INTS13: variants seen among roughly 807,000 people sequenced by gnomAD.
The protein encoded by INTS13 is integrator complex subunit 13, also known as asunder, spermatogenesis regulator homolog (Drosphila).
In INTS13, 35 loss-of-function variants were observed where a neutral mutation model predicts 90.2. The ratio of observed to expected loss-of-function variants is 0.39; its 90% CI spans 0.30 to 0.51. The LOEUF (loss-of-function observed/expected upper bound fraction) is 0.51. INTS13 is among the 20% of genes least tolerant of loss of function. The pLI, the probability that INTS13 is intolerant of heterozygous loss-of-function variation, is 0.80. For synonymous variants in INTS13, 309 were observed against 277.1 expected (o/e 1.11, Z -1.14); for missense variants, 601 against 851.2 (o/e 0.71, Z 3.66).
intron 10 of INTS13, 21 bp from the exon 11 acceptor site, chr12:26,916,201 C>T (rs1275798415): frequency 6.3e-7 from 1 of 1,579,042 alleles, no homozygotes; most frequent in Non-Finnish European, 8.6e-7. Context: ...CAAGATTACA[C>T]TATCAGTAAT....
intron 10 of INTS13, 111 bp downstream of exon 10, chr12:26,917,241 T>C (rs1951964386): frequency 3.4e-6 from 1 of 297,918 alleles, no homozygotes; most frequent in Non-Finnish European, 5.9e-6. Context: ...TGAATATAGC[T>C]TTCCAGAGTT....
rs1005492556 is a variant in INTS13 at position 26,928,138 on chromosome 12, T to C, written c.584+67A>G. ...CAGGGAAACGCTACCAGTCAAGTTA[T>C]TGGAAATAATTATAACATATATCTA... is the stretch of plus-strand genomic sequence containing the variant. On this transcript the variant is annotated intron_variant, in intron 5 of 16. Coordinates refer to ENST00000261191, the MANE Select transcript of INTS13 (RefSeq NM_018164.3). 8.6e-6 allele frequency: 10 copies of C among 1,160,410 alleles called. No homozygotes were observed. The East Asian group carries it at 9.9e-5, about 11-fold the overall frequency. The allele number at this position is 1,160,410 out of a possible 1,614,324, so 71.9% of individuals were successfully genotyped here.
intron 8 of INTS13, among the ~76,000 whole-genome samples, chr12:26,921,228 A>G (rs1268405290): frequency 6.6e-6 from 1 of 152,264 alleles, no homozygotes; most frequent in Admixed American, 6.5e-5. Context: ...AAGCCAATAC[A>G]GTTGCAGAAA....
chr12:26,914,309 T>G, intron 12 of INTS13, 99 bp downstream of exon 12: 1 of 1,312,042 alleles, frequency 7.6e-7, no homozygotes, highest in Non-Finnish European at 1.0e-6. Flanking sequence ...TATTTCATTC[T>G]TTGCTTAAGA....
chr12:26,911,488 G>T (rs1440702070), intron 14 of INTS13, among the ~76,000 whole-genome samples, 171 bp from the exon 15 acceptor site: 1 of 151,796 alleles, frequency 6.6e-6, no homozygotes, highest in Non-Finnish European at 1.5e-5. Flanking sequence ...AGAAATTAAT[G>T]AATTAAATAC....
chr12:26,918,699 T>C (rs1333859357), intron 8 of INTS13, among the ~76,000 whole-genome samples: 1 of 152,210 alleles, frequency 6.6e-6, no homozygotes, highest in Non-Finnish European at 1.5e-5. Flanking sequence ...CGTAAGAAGA[T>C]ATTAATCTAA....
intron 14 of INTS13, among the ~76,000 whole-genome samples, chr12:26,912,662 T>C (rs1274381353): frequency 1.3e-5 from 2 of 152,122 alleles, no homozygotes; most frequent in Non-Finnish European, 2.9e-5. Flanking sequence ...TGTATGCCCT[T>C]CTTCTGTGCT....
At chr12:26,917,237 T>C (rs1951964144) in intron 10 of INTS13, 115 bp downstream of exon 10, 1 of 292,124 alleles carries the variant, frequency 3.4e-6, no homozygotes, top group Non-Finnish European at 6.0e-6. Context: ...GTGATGAATA[T>C]AGCTTTCCAG....
intron 15 of INTS13, among the ~76,000 whole-genome samples, chr12:26,907,435 G>C (rs1951642772): frequency 6.6e-6 from 1 of 152,260 alleles, no homozygotes; most frequent in East Asian, 1.9e-4. Flanking sequence ...CCCATACTTT[G>C]TACCTTATAG....
intron 8 of INTS13, 32 bp downstream of exon 8, chr12:26,922,583 TC>T (rs1314142324): frequency 6.7e-7 from 1 of 1,491,432 alleles, no homozygotes; most frequent in African/African-American, 1.4e-5. Context: ...ATATGTTAGA[TC>T]ATACAAAATA....
rs904850719 is a variant in INTS13 at position 26,937,809 on chromosome 12, C to A, written c.-25G>T. On this transcript the variant is annotated 5_prime_UTR_variant, in exon 1 of 17. Coordinates refer to ENST00000261191, the MANE Select transcript of INTS13 (RefSeq NM_018164.3). ...AGGTTCGCTTACTTTCGTGCCTGGT[C>A]CTGCAGTGAAAACGAACAGAGGCTA... 1.3e-5 allele frequency: 2 copies of A among 152,748 alleles called. No individual in the cohort carries two copies. The highest frequency in any genetic ancestry group is 4.8e-5 in the African/African-American group (2 of 41,444). The allele number at this position is 152,748 out of a possible 1,614,324, so 9.5% of individuals were successfully genotyped here. A position where few individuals can be genotyped will look rare whatever the true frequency, so the allele number is the denominator to read the frequency against.
chr12:26,916,166 A>G lies in INTS13; in HGVS notation c.1084T>C (p.Leu362=), dbSNP rs1951930005. The change falls in exon 11 of 17, where the codon TTG becomes CTG. Residue 362 remains leucine, a synonymous_variant. Coordinates refer to ENST00000261191, the MANE Select transcript of INTS13 (RefSeq NM_018164.3). Reference sequence around the variant, plus strand: ...GAACCTGACTTTCGTGGTTGTTCCAATAAAACAGAACGACCTGTCAAAAAC... The same window carrying G: ...GAACCTGACTTTCGTGGTTGTTCCAGTAAAACAGAACGACCTGTCAAAAAC... ...NFLLNGRSVL[L]EQPRKSGSKV... is the part of the protein sequence containing the mutation. The G allele has an allele frequency of 6.2e-7, 1 of 1,609,994 alleles. No individual in the cohort carries two copies. Among genetic ancestry groups the G allele is most frequent in the Non-Finnish European group, 8.5e-7 (1 of 1,178,560 alleles).
Position 26,913,697 on chromosome 12 carries a change from A to G in INTS13, c.1575-10T>C. ...ACGGTATTGTTCATCTCTGCAGCAAAGATTTGGAAATACTCTTTAAATAAT... is the reference window on the plus strand; with the variant it reads ...ACGGTATTGTTCATCTCTGCAGCAAGGATTTGGAAATACTCTTTAAATAAT... On this transcript the variant is annotated splice_polypyrimidine_tract_variant and intron_variant, in intron 13 of 16. Transcript: ENST00000261191. The G allele has an allele frequency of 1.3e-5, 21 of 1,586,068 alleles. No homozygotes were observed. The highest frequency in any genetic ancestry group is 1.8e-5 in the Non-Finnish European group (21 of 1,161,004).
At chr12:26,934,977 T>A (rs758035424) in intron 2 of INTS13, among the ~76,000 whole-genome samples, 10 of 152,164 alleles carry the variant, frequency 6.6e-5, no homozygotes, top group Non-Finnish European at 1.3e-4. Context: ...TACTTTAGAT[T>A]AGGTGGTTAC....
At chr12:26,925,544 CA>C (rs1161323861) in intron 6 of INTS13, among the ~76,000 whole-genome samples, 2 of 151,846 alleles carry the variant, frequency 1.3e-5, no homozygotes, top group African/African-American at 4.8e-5. Flanking sequence ...ATAAAATAAA[CA>C]AACATGAAAA....
rs3210635 is a variant in INTS13, at chr12:26,911,299, C to T, written c.1824G>A (p.Glu608=). ...QDSERLKGIL[E]RGKEELAEAE... ...CTTCAGCCAATTCTTCTTTTCCACG[C>T]TCTAAGATTCCTTTTAATCTTTTAG... Residue 608 remains glutamate (E), a synonymous_variant, in exon 15 of 17, where the codon GAG becomes GAA. Transcript: ENST00000261191. 789,967 of 1,609,780 alleles carry T rather than the reference C, an allele frequency of 0.49. 197,277 individuals are homozygous for T. The highest frequency in any genetic ancestry group is 0.78 in the East Asian group (35,122 of 44,836).
rs1390953181 is a variant in INTS13 at position 26,916,113 on chromosome 12, G to A, written c.1137C>T (p.Ser379=). Reference sequence around the variant, plus strand: ...CGTGCAAAAAAATCTCTCCTCCATGGCTACTAAGCATATGACTAATGACTT... The same window carrying A: ...CGTGCAAAAAAATCTCTCCTCCATGACTACTAAGCATATGACTAATGACTT... The part of the protein sequence containing the change: ...GSKVISHMLS[S]HGGEIFLHVL... Residue 379 remains serine, a synonymous_variant, in exon 11 of 17, where the codon AGC becomes AGT. Transcript: ENST00000261191. 2 of 1,613,762 alleles carry A rather than the reference G, an allele frequency of 1.2e-6. No individual in the cohort carries two copies. Among genetic ancestry groups the A allele is most frequent in the Admixed American group, 3.3e-5 (2 of 60,008 alleles).
intron 8 of INTS13, among the ~76,000 whole-genome samples, chr12:26,921,407 A>G (rs550667901): frequency 2.8e-4 from 43 of 152,306 alleles, no homozygotes; most frequent in Admixed American, 2.0e-3. Flanking sequence ...TGAAACTGTA[A>G]TGAGTTTGAG....
chr12:26,932,439 C>A (rs1361776390), intron 3 of INTS13, among the ~76,000 whole-genome samples: 2 of 152,206 alleles, frequency 1.3e-5, no homozygotes, highest in African/African-American at 4.8e-5. Context: ...CTTACTTACA[C>A]CCTACCCGTG....
Sources: gnomAD v4.1 joint callset for allele counts (sites outside exome capture counted in the v4.1 genomes callset) on GRCh38, gnomAD v4.1.1 for gene constraint, MANE v1.5 for transcripts, NCBI Gene and HGNC (gene_info 2026-07-23, HGNC 2026-07-21) for gene names.